Variants in STKLD1 observed in about 807,000 individuals in gnomAD.
STKLD1 encodes serine/threonine kinase like domain containing 1, also known as serine/threonine kinase-like domain-containing protein STKLD1.
In STKLD1, 79 loss-of-function variants were observed where a neutral mutation model predicts 80.4. The ratio of observed to expected loss-of-function variants is 0.98; its 90% CI spans 0.82 to 1.19. STKLD1 has a LOEUF of 1.19. Ranked by LOEUF, STKLD1 falls within the 50% of genes most tolerant of loss-of-function variation. The probability of loss-of-function intolerance (pLI) is 0.00; values close to 1 mark genes in which losing one functional copy is unlikely to be tolerated. For missense variants in STKLD1, 841 were observed against 856.0 expected, an observed-to-expected ratio of 0.98 and a Z score of 0.22; for synonymous variants, 393 against 357.6, an observed-to-expected ratio of 1.10 and a Z score of -1.12.
chr9:133,379,185 C>G (rs1189926886), intron 2 of STKLD1, 63 bp downstream of exon 2: 1 of 1,393,674 alleles, frequency 7.2e-7, no homozygotes, highest in Admixed American at 1.9e-5. Context: ...TTCCCCAATA[C>G]AAGCTCTTCC....
intron 13 of STKLD1, 116 bp from the exon 14 acceptor site, chr9:133,402,762 C>A: frequency 8.2e-7 from 1 of 1,219,082 alleles, no homozygotes; most frequent in Non-Finnish European, 1.1e-6. Flanking sequence ...CGACTTGGCC[C>A]AGAGCAGGCA....
intron 7 of STKLD1, among the ~76,000 whole-genome samples, chr9:133,391,253 C>G (rs1184842928): frequency 1.3e-5 from 2 of 148,690 alleles, no homozygotes; most frequent in Non-Finnish European, 3.0e-5. Flanking sequence ...GTCAGCCCCC[C>G]GCCCGGCCAG....
chr9:133,397,101 G>A, intron 9 of STKLD1, 63 bp from the exon 10 acceptor site: 5 of 1,605,658 alleles, frequency 3.1e-6, no homozygotes, highest in Non-Finnish European at 4.2e-6. Flanking sequence ...CAGAGGGAGA[G>A]CCCCACGGGG....
chr9:133,397,883 C>T, intron 10 of STKLD1, 89 bp from the exon 11 acceptor site: 1 of 1,051,954 alleles, frequency 9.5e-7, no homozygotes, highest in Non-Finnish European at 1.4e-6. Flanking sequence ...GATGCACACA[C>T]AGCAGCCAGC....
At chr9:133,386,463 C>G (rs1384324393) in intron 4 of STKLD1, among the ~76,000 whole-genome samples, 2 of 152,222 alleles carry the variant, frequency 1.3e-5, no homozygotes, top group Non-Finnish European at 2.9e-5. Flanking sequence ...CCGGTGCCGT[C>G]CTGGGCCTGT....
rs1838539823 is a variant in STKLD1 at position 133,395,629 on chromosome 9, C to T, written c.732C>T (p.Ser244=). The T allele has an allele frequency of 3.1e-6, 5 of 1,613,074 alleles. No homozygotes were observed. The African/African-American group carries it at 5.3e-5, about 17-fold the overall frequency. Residue 244 remains serine, a synonymous_variant, in exon 9 of 18, where the codon TCC becomes TCT. Transcript: ENST00000371957. ...CAGAAGCCATGCATCTGCGGAAGTC[C>T]CTCCGCCAGAGCCCAGGCAGCCTGA... The part of the protein sequence containing the change: ...DGTEAMHLRK[S]LRQSPGSLKA...
At chr9:133,391,095 G>C (rs1381205402) in intron 7 of STKLD1, among the ~76,000 whole-genome samples, 2 of 152,186 alleles carry the variant, frequency 1.3e-5, no homozygotes, top group Non-Finnish European at 2.9e-5. Context: ...AAAAGAAAGT[G>C]TCAGAAGGAA....
chr9:133,381,753 A>G (rs1046790714), intron 2 of STKLD1, among the ~76,000 whole-genome samples: 12 of 152,290 alleles, frequency 7.9e-5, no homozygotes, highest in Admixed American at 1.3e-4. Context: ...CCCGGCCACA[A>G]TGTAACATTT....
At chr9:133,402,032 G>T (rs1385344543) in intron 13 of STKLD1, among the ~76,000 whole-genome samples, 154 bp downstream of exon 13, 1 of 152,172 alleles carries the variant, frequency 6.6e-6, no homozygotes, top group Non-Finnish European at 1.5e-5. Context: ...TCTTCATTTG[G>T]CCACCCCAAA....
chr9:133,397,209 G>T lies in STKLD1; in HGVS notation c.912G>T (p.Ser304=). 6.2e-7 allele frequency: 1 copy of T among 1,613,960 alleles called. No individual in the cohort carries two copies. The highest frequency in any genetic ancestry group is 8.5e-7 in the Non-Finnish European group (1 of 1,180,014). Residue 304 remains serine, a synonymous_variant, in exon 10 of 18, where the codon TCG becomes TCT. Transcript: ENST00000371957. ...TCTTGAGAGGCTCCTTCAAGTCCTC[G>T]TGCGTCTCTCTGACCCTGCACCGGC... ...ITFLRGSFKS[S]CVSLTLHRQM... is the part of the protein sequence containing the mutation.
Position 133,403,000 on chromosome 9 carries a change from C to G in STKLD1, c.1462C>G (p.Leu488Val). Residue 488 changes from leucine to valine, a missense_variant, in exon 14 of 18, where the codon CTC (leucine) becomes GTC (valine). Transcript: ENST00000371957. ...CAGCGGCCTGGGCCTGCTCTGGGCCCTCCTGCTGGACGGTGAGGGGCCCTC... is the reference window on the plus strand; with the variant it reads ...CAGCGGCCTGGGCCTGCTCTGGGCCGTCCTGCTGGACGGTGAGGGGCCCTC... Reference protein sequence around the residue: ...CASGLGLLWALLLDGIIVNKA... With the variant: ...CASGLGLLWAVLLDGIIVNKA... The G allele has an allele frequency of 1.3e-6, 2 of 1,570,458 alleles. No individual in the cohort carries two copies. The highest frequency in any genetic ancestry group is 4.1e-4 in the Middle Eastern group (2 of 4,822).
chr9:133,393,713 T>C (rs983626631), intron 7 of STKLD1, among the ~76,000 whole-genome samples: 15 of 152,010 alleles, frequency 9.9e-5, no homozygotes, highest in Non-Finnish European at 1.6e-4. Flanking sequence ...GACGGGCAGA[T>C]GGTTGGTTCT....
chr9:133,401,253 C>T (rs1554777606), intron 12 of STKLD1, among the ~76,000 whole-genome samples: 1 of 151,850 alleles, frequency 6.6e-6, no homozygotes, highest in Admixed American at 6.6e-5. Flanking sequence ...ATTCTCCTGC[C>T]TCAGCCTCCT....
intron 12 of STKLD1, among the ~76,000 whole-genome samples, chr9:133,401,529 G>A (rs1411262227): frequency 5.9e-5 from 9 of 152,186 alleles, no homozygotes; most frequent in Admixed American, 3.3e-4. Context: ...ACCAGGATGC[G>A]TGGCCTGGCC....
chr9:133,382,992 C>T (rs1412918596), intron 2 of STKLD1, among the ~76,000 whole-genome samples: 3 of 83,714 alleles, frequency 3.6e-5, no homozygotes, highest in African/African-American at 1.5e-4. Flanking sequence ...TGATGGTGGT[C>T]GTGGTGTGAT....
chr9:133,380,296 C>T lies in STKLD1; in HGVS notation c.174+1174C>T, dbSNP rs2130263131. 7.9e-5 allele frequency among the ~76,000 whole-genome samples: 12 copies of T among 152,270 alleles called. No individual in the cohort carries two copies. In the East Asian group the frequency reaches 9.8e-4, roughly 12 times the overall value. ...CTGAGCTCAGGCAGTCCGCCCGCCT[C>T]GGCCTCCCAAAGTGCTGGGATTACA... On this transcript the variant is annotated intron_variant, in intron 2 of 17. Transcript: ENST00000371957.
At chr9:133,379,264 G>A (rs2130260267) in intron 2 of STKLD1, 142 bp downstream of exon 2, 19 of 688,366 alleles carry the variant, frequency 2.8e-5, no homozygotes, top group Non-Finnish European at 4.2e-5. Context: ...GACTAATCTG[G>A]TTGGGGTAGA....
Position 133,387,448 on chromosome 9 carries a change from T to G in STKLD1, c.296T>G (p.Ile99Ser). 1 of 1,613,552 alleles carries G rather than the reference T, an allele frequency of 6.2e-7. No individual in the cohort carries two copies. The highest frequency in any genetic ancestry group is 8.5e-7 in the Non-Finnish European group (1 of 1,179,644). The stretch of plus-strand genomic sequence containing the variant: ...GCTAAGGGCCTCCTGTCCCAGCAGA[T>G]CTCTTCTCTGTACCTCTGCCTGGTG... ...QELFITWNGE[I>S]SSLYLCLVME... Residue 99 changes from isoleucine (I) to serine (S), a missense_variant and splice_region_variant, in exon 5 of 18, where the codon ATC (isoleucine) becomes AGC (serine). Physicochemically the swap from Ile to Ser is moderately radical, Grantham distance 142 (BLOSUM62 -2). Transcript: ENST00000371957.
chr9:133,393,514 T>G (rs1838475522), intron 7 of STKLD1, among the ~76,000 whole-genome samples: 1 of 143,240 alleles, frequency 7.0e-6, no homozygotes, highest in African/African-American at 2.7e-5. Flanking sequence ...GATGGATGTG[T>G]GGGTGGGTAG....
Sources: gnomAD v4.1 joint callset for allele counts (sites outside exome capture counted in the v4.1 genomes callset) on GRCh38, gnomAD v4.1.1 for gene constraint, MANE v1.5 for transcripts, NCBI Gene and HGNC (gene_info 2026-07-23, HGNC 2026-07-21) for gene names.